JCAD: variants seen among roughly 807,000 people sequenced by gnomAD.
The protein encoded by JCAD is junctional cadherin 5 associated.
Under a neutral mutation model 98.0 loss-of-function variants are expected in JCAD, and 40 were observed. That is an observed-to-expected ratio of 0.41 (90% CI 0.32 to 0.53). The LOEUF is 0.53. Ranked by LOEUF, JCAD falls within the 20% of genes least tolerant of loss-of-function variation. The pLI, the probability that JCAD is intolerant of heterozygous loss-of-function variation, is 0.31. For missense variants in JCAD, 1,705 were observed against 1,738.1 expected (o/e 0.98, Z 0.34); for synonymous variants, 691 against 682.3 (o/e 1.01, Z -0.20).
intron 1 of JCAD, among the ~76,000 whole-genome samples, chr10:30,048,743 T>G (rs1286956181): frequency 6.6e-6 from 1 of 152,064 alleles, no homozygotes; most frequent in Non-Finnish European, 1.5e-5. Context: ...TTTTTTGTAT[T>G]TTTTTGCAGA....
intron 1 of JCAD, among the ~76,000 whole-genome samples, chr10:30,082,874 A>C (rs1034626859): frequency 2.7e-5 from 4 of 147,886 alleles, no homozygotes; most frequent in African/African-American, 5.0e-5. Context: ...AAAAAAAAAA[A>C]AAACAAAAAA....
At chr10:30,112,121 A>T (rs903025421) in intron 1 of JCAD, among the ~76,000 whole-genome samples, 1 of 152,230 alleles carries the variant, frequency 6.6e-6, no homozygotes, top group East Asian at 1.9e-4. Context: ...ATGGACTATC[A>T]TTCAGCCGTA....
intron 2 of JCAD, among the ~76,000 whole-genome samples, chr10:30,033,498 G>A (rs1367563414): frequency 6.6e-6 from 1 of 152,232 alleles, no homozygotes; most frequent in Non-Finnish European, 1.5e-5. Flanking sequence ...CTGTCGTGCA[G>A]AGGAGAGCCG....
At chr10:30,113,947 T>A (rs940427208) in intron 1 of JCAD, among the ~76,000 whole-genome samples, 2 of 152,294 alleles carry the variant, frequency 1.3e-5, no homozygotes, top group Non-Finnish European at 2.9e-5. Flanking sequence ...TATCCTCAAA[T>A]GATTCTCCAG....
At chr10:30,042,596 C>T (rs905907883) in intron 2 of JCAD, among the ~76,000 whole-genome samples, 44 of 141,456 alleles carry the variant, frequency 3.1e-4, no homozygotes, top group Admixed American at 8.8e-4. Flanking sequence ...TACCCGGAGA[C>T]GCACAGATGG....
At chr10:30,077,777 C>A (rs1838006591) in intron 1 of JCAD, among the ~76,000 whole-genome samples, 1 of 152,198 alleles carries the variant, frequency 6.6e-6, no homozygotes, top group Non-Finnish European at 1.5e-5. Context: ...GCTGAATAAT[C>A]TTCAATGGTA....
intron 1 of JCAD, among the ~76,000 whole-genome samples, chr10:30,092,126 A>ATATATATATATATATATATATAT (rs1491284119): frequency 2.8e-5 from 3 of 107,106 alleles, no homozygotes; most frequent in Admixed American, 9.6e-5. Flanking sequence ...ATATATATAT[A>ATATATATATATATATATATATAT]AAAAACATTT....
At position 30,027,177 on chromosome 10, in the gene JCAD, A is replaced by G; in HGVS notation, c.2971T>C (p.Ser991Pro). ...RSSDAKPLPA[S>P]YPAEPREPQE... ...GGCTCCCTAGGTTCAGCTGGATAGG[A>G]CGCGGGCAGTGGTTTTGCGTCACTT... Residue 991 changes from serine (S) to proline (P), a missense_variant, in exon 3 of 4, where the codon TCC (serine) becomes CCC (proline). Ser to Pro is a moderately conservative substitution (Grantham distance 74). This residue lies in a region of JCAD where 1,278 missense variants were observed against 1,243.1 expected (regional missense o/e 1.03). Transcript: ENST00000375377. 1 of 1,614,122 alleles carries G rather than the reference A, an allele frequency of 6.2e-7. No homozygotes were observed. Among genetic ancestry groups the G allele is most frequent in the Non-Finnish European group, 8.5e-7 (1 of 1,179,978 alleles).
chr10:30,090,682 C>T lies in JCAD; in HGVS notation n.129-20861G>A, dbSNP rs369758310. 4.0e-4 allele frequency among the ~76,000 whole-genome samples: 61 copies of T among 152,250 alleles called. 1 individual carries two copies. The East Asian group carries it at 8.1e-3, about 20-fold the overall frequency. Reference sequence around the variant, plus strand: ...TCAAAAGTCCTATCAGACCATGACGCGCAGGACCCTAAAAACTGAAAACCA... The same window carrying T: ...TCAAAAGTCCTATCAGACCATGACGTGCAGGACCCTAAAAACTGAAAACCA... On this transcript the variant is annotated intron_variant and non_coding_transcript_variant, in intron 1 of 2. Transcript: ENST00000465712.
intron 1 of JCAD, among the ~76,000 whole-genome samples, chr10:30,112,387 GA>G (rs1838718392): frequency 6.6e-6 from 1 of 152,154 alleles, no homozygotes; most frequent in South Asian, 2.1e-4. Context: ...ACTGAGACAG[GA>G]AGATCGATTG....
upstream of JCAD, among the ~76,000 whole-genome samples, chr10:30,060,396 C>A (rs367949997): frequency 1.3e-5 from 2 of 152,152 alleles, no homozygotes; most frequent in African/African-American, 4.8e-5. Flanking sequence ...ATTTGGGTAA[C>A]CCCAAACCCA....
chr10:30,026,182 C>T lies in JCAD; in HGVS notation c.3966G>A (p.Lys1322=). ...QRLGHSLSVS[K]DSISREEKEH... is the part of the protein sequence containing the mutation. ...CCTTCTCTTCCCTGGAGATGCTGTCCTTGGACACAGAGAGTGAGTGGCCCA... is the reference window on the plus strand; with the variant it reads ...CCTTCTCTTCCCTGGAGATGCTGTCTTTGGACACAGAGAGTGAGTGGCCCA... The change falls in exon 3 of 4, where the codon AAG becomes AAA. Residue 1322 remains lysine (K), a synonymous_variant. Coordinates refer to ENST00000375377, the MANE Select transcript of JCAD (RefSeq NM_020848.4). 6.2e-7 allele frequency: 1 copy of T among 1,614,190 alleles called. No homozygotes were observed. Among genetic ancestry groups the T allele is most frequent in the Non-Finnish European group, 8.5e-7 (1 of 1,180,050 alleles).
At chr10:30,033,843 G>A (rs1837053892) in intron 2 of JCAD, among the ~76,000 whole-genome samples, 1 of 152,192 alleles carries the variant, frequency 6.6e-6, no homozygotes, top group African/African-American at 2.4e-5. Flanking sequence ...GTGGGCAGGA[G>A]CCCTGGTAAA....
Position 30,028,875 on chromosome 10 carries a change from G to C in JCAD, c.1273C>G (p.Pro425Ala). The C allele has an allele frequency of 1.2e-6, 2 of 1,614,214 alleles. No homozygotes were observed. The highest frequency in any genetic ancestry group is 1.7e-6 in the Non-Finnish European group (2 of 1,180,046). The change falls in exon 3 of 4, where the codon CCC becomes GCC. Residue 425 changes from proline (P) to alanine (A), a missense_variant. Around this residue, in one of 3 missense-constraint regions of JCAD, gnomAD observed 1,278 missense variants for 1,243.1 expected, o/e 1.03. Transcript: ENST00000375377. The stretch of plus-strand genomic sequence containing the variant: ...TGTCGTAACCGTGGATCATCAAAGG[G>C]AATGTACTGAACGAAGCCGTCATAG... ...TAYDGFVQYI[P>A]FDDPRLRHFK...
Position 30,028,420 on chromosome 10 carries a change from G to T in JCAD, c.1728C>A (p.Asn576Lys). Residue 576 changes from asparagine to lysine, a missense_variant, in exon 3 of 4, where the codon AAC becomes AAA. Asn to Lys is a moderately conservative substitution (Grantham distance 94). Coordinates refer to ENST00000375377, the MANE Select transcript of JCAD (RefSeq NM_020848.4). Reference protein sequence around the residue: ...RTKKSSKKKMNETIFCLVSIP... With the variant: ...RTKKSSKKKMKETIFCLVSIP... ...TAGAAACCAAGCAAAATATAGTCTC[G>T]TTCATTTTTTTCTTTGAACTTTTCT... 1.2e-6 allele frequency: 2 copies of T among 1,614,132 alleles called. No homozygotes were observed. The highest frequency in any genetic ancestry group is 1.7e-6 in the Non-Finnish European group (2 of 1,180,044).
intron 1 of JCAD, among the ~76,000 whole-genome samples, chr10:30,055,282 A>C (rs1189622347): frequency 6.6e-6 from 1 of 152,242 alleles, no homozygotes; most frequent in East Asian, 1.9e-4. Context: ...TTGGTCCCTC[A>C]AATTGTTGGC....
At chr10:30,055,201 A>T (rs1261376318) in intron 1 of JCAD, among the ~76,000 whole-genome samples, 1 of 152,210 alleles carries the variant, frequency 6.6e-6, no homozygotes, top group Non-Finnish European at 1.5e-5. Context: ...TCTTAATTAG[A>T]CATTGTTACT....
chr10:30,086,967 A>T (rs1838176806), intron 1 of JCAD, among the ~76,000 whole-genome samples: 1 of 152,198 alleles, frequency 6.6e-6, no homozygotes, highest in African/African-American at 2.4e-5. Context: ...TAGTAAACCG[A>T]ACCCTAGACT....
intron 1 of JCAD, among the ~76,000 whole-genome samples, chr10:30,112,523 T>C (rs1310156927): frequency 6.6e-6 from 1 of 152,090 alleles, no homozygotes; most frequent in Admixed American, 6.6e-5. Context: ...AAAATTACAA[T>C]GCTAAGTGAA....
Sources: gnomAD v4.1 joint callset for allele counts (sites outside exome capture counted in the v4.1 genomes callset) on GRCh38, gnomAD v4.1.1 for gene constraint, gnomAD v4.1.1 regional missense constraint, MANE v1.5 for transcripts, NCBI Gene and HGNC (gene_info 2026-07-23, HGNC 2026-07-21) for gene names.